BMP6: variants seen among roughly 807,000 people sequenced by gnomAD.
The protein encoded by BMP6 is VG-1-R.
In BMP6, 17 loss-of-function variants were observed where a neutral mutation model predicts 54.1. The observed-to-expected ratio is 0.31, with a 90% CI of 0.22 to 0.47. The LOEUF is 0.47. Ranked by LOEUF, BMP6 falls within the 20% of genes least tolerant of loss-of-function variation. BMP6 has a pLI of 1.00. For missense variants in BMP6, 720 were observed against 690.4 expected (o/e 1.04, Z -0.48); for synonymous variants, 328 against 291.2 (o/e 1.13, Z -1.28).
intron 1 of BMP6, among the ~76,000 whole-genome samples, chr6:7,768,336 G>A (rs1243956993): frequency 6.6e-6 from 1 of 152,190 alleles, no homozygotes; most frequent in Non-Finnish European, 1.5e-5. Flanking sequence ...TTCACTCTCA[G>A]TCTTGTCCAC....
intron 1 of BMP6, among the ~76,000 whole-genome samples, chr6:7,783,944 C>G (rs1037250629): frequency 2.6e-5 from 4 of 152,224 alleles, no homozygotes; most frequent in Admixed American, 1.3e-4. Context: ...AGGATGAGCC[C>G]TACAGAGTTT....
intron 1 of BMP6, among the ~76,000 whole-genome samples, chr6:7,734,042 T>G (rs1761916200): frequency 6.6e-6 from 1 of 152,218 alleles, no homozygotes; most frequent in Non-Finnish European, 1.5e-5. Flanking sequence ...TTGTGTTCAG[T>G]CACTAGTGTT....
At chr6:7,834,675 A>C (rs35964711) in intron 1 of BMP6, among the ~76,000 whole-genome samples, 10,839 of 151,792 alleles carry the variant, frequency 0.071, 671 homozygotes, top group African/African-American at 0.17. Context: ...GTGCCAACCC[A>C]AAAAAAATAA....
chr6:7,853,254 C>T (rs1182204419), intron 2 of BMP6, among the ~76,000 whole-genome samples: 1 of 152,076 alleles, frequency 6.6e-6, no homozygotes, highest in African/African-American at 2.4e-5. Context: ...TAGTTTGATA[C>T]ATCATGACCA....
intron 1 of BMP6, among the ~76,000 whole-genome samples, chr6:7,809,366 T>C (rs1388404956): frequency 2.0e-5 from 3 of 152,204 alleles, no homozygotes; most frequent in Non-Finnish European, 4.4e-5. Flanking sequence ...ATTTGTGTGA[T>C]TAGGGATGTG....
intron 1 of BMP6, among the ~76,000 whole-genome samples, chr6:7,750,734 T>C (rs1561759430): frequency 6.6e-6 from 1 of 152,240 alleles, no homozygotes; most frequent in Non-Finnish European, 1.5e-5. Flanking sequence ...ATTTGAAAGA[T>C]TTAAAATGGC....
chr6:7,727,597 G>A lies in BMP6; in HGVS notation c.642G>A (p.Met214Ile). The A allele has an allele frequency of 6.4e-7, 1 of 1,564,806 alleles. No homozygotes were observed. Among genetic ancestry groups the A allele is most frequent in the Non-Finnish European group, 8.6e-7 (1 of 1,164,484 alleles). ...GCGCCTTCCTCAACGACGCGGACAT[G>A]GTCATGAGCTTTGTGAACCTGGGTA... ...QDSAFLNDAD[M>I]VMSFVNLVEY... The change falls in exon 1 of 7, where the codon ATG becomes ATA. Residue 214 changes from methionine to isoleucine, a missense_variant. Transcript: ENST00000283147.
chr6:7,786,460 GTTTT>G (rs35750746), intron 1 of BMP6, among the ~76,000 whole-genome samples: 11,550 of 135,150 alleles, frequency 0.085, 488 homozygotes, highest in African/African-American at 0.13. Flanking sequence ...TCTTTAGTCT[GTTTT>G]TTTTTTTTTT....
intron 4 of BMP6, among the ~76,000 whole-genome samples, chr6:7,868,154 C>T (rs1241994428): frequency 1.3e-5 from 2 of 152,176 alleles, no homozygotes; most frequent in African/African-American, 4.8e-5. Context: ...AGAATCAAGA[C>T]AAAGGCTGAA....
At chr6:7,876,546 C>A (rs1233044881) in intron 4 of BMP6, among the ~76,000 whole-genome samples, 1 of 152,132 alleles carries the variant, frequency 6.6e-6, no homozygotes, top group African/African-American at 2.4e-5. Flanking sequence ...CCATTTGATT[C>A]TGTGCTATAT....
At chr6:7,752,556 T>C (rs1757441984) in intron 1 of BMP6, among the ~76,000 whole-genome samples, 1 of 147,062 alleles carries the variant, frequency 6.8e-6, no homozygotes, top group Non-Finnish European at 1.5e-5. Context: ...GAGTTCAACA[T>C]AGGTTTTTTT....
At chr6:7,786,469 T>G (rs943549095) in intron 1 of BMP6, among the ~76,000 whole-genome samples, 8 of 151,724 alleles carry the variant, frequency 5.3e-5, no homozygotes, top group African/African-American at 1.7e-4. Flanking sequence ...TGTTTTTTTT[T>G]TTTTTTTTTT....
intron 1 of BMP6, among the ~76,000 whole-genome samples, chr6:7,733,047 C>T (rs185573475): frequency 3.8e-4 from 57 of 151,364 alleles, no homozygotes; most frequent in East Asian, 1.8e-3. Context: ...TACAGGTCTC[C>T]GCCACCACAC....
intron 1 of BMP6, among the ~76,000 whole-genome samples, chr6:7,730,956 C>T (rs899798591): frequency 6.6e-6 from 1 of 152,218 alleles, no homozygotes; most frequent in Non-Finnish European, 1.5e-5. Flanking sequence ...GAATAATTTA[C>T]TCATGAAATA....
At position 7,763,082 on chromosome 6, in the gene BMP6, T is replaced by C. The variant is rs186338595; in HGVS notation, c.664+35463T>C. Among the ~76,000 whole-genome samples, 653 of 152,338 alleles carry C rather than the reference T, an allele frequency of 4.3e-3. 5 individuals carry two copies. The highest frequency in any genetic ancestry group is 0.015 in the African/African-American group (614 of 41,570). ...ACACTCTGCTTTGCAGATACTCTTA[T>C]GAATTCTGCAAGTCTTGGTAAATAG... is the stretch of plus-strand genomic sequence containing the variant. On this transcript the variant is annotated intron_variant, in intron 1 of 6. Transcript: ENST00000283147.
rs1761733875 is a variant in BMP6 at position 7,726,854 on chromosome 6, G to A, written c.-102G>A. ...AGGGGAAGCGAGCCCGCCGAGAGGT[G>A]GCGGGGACTGCTCACGCCAAGGGCC... On this transcript the variant is annotated 5_prime_UTR_variant, in exon 1 of 7. Transcript: ENST00000283147. 5 of 697,448 alleles carry A rather than the reference G, an allele frequency of 7.2e-6. No homozygotes were observed. Among genetic ancestry groups the A allele is most frequent in the Non-Finnish European group, 9.0e-6 (5 of 556,300 alleles). The allele number at this position is 697,448 out of a possible 1,614,324, so 43.2% of individuals were successfully genotyped here. A position where few individuals can be genotyped will look rare whatever the true frequency, so the allele number is the denominator to read the frequency against.
intron 1 of BMP6, among the ~76,000 whole-genome samples, chr6:7,790,514 CAAAAAAA>C (rs35572440): frequency 7.1e-4 from 52 of 73,496 alleles, no homozygotes; most frequent in Middle Eastern, 0.011. Flanking sequence ...GACCCTGTCT[CAAAAAAA>C]AAAAAAAAAA....
intron 4 of BMP6, among the ~76,000 whole-genome samples, chr6:7,864,497 C>A (rs1759387909): frequency 1.3e-5 from 2 of 152,190 alleles, no homozygotes; most frequent in Non-Finnish European, 2.9e-5. Flanking sequence ...TAAAATAATT[C>A]TGGAAGATGC....
Position 7,761,766 on chromosome 6 carries a change from A to G in BMP6, c.664+34147A>G, listed in dbSNP as rs987656251. Among the ~76,000 whole-genome samples, 3 of 152,160 alleles carry G rather than the reference A, an allele frequency of 2.0e-5. No homozygotes were observed. In the South Asian group the frequency reaches 6.2e-4, roughly 32 times the overall value. ...GTAGACTTAGAGACTCCCTTTCCTC[A>G]AAGTCTTTACGGCATTTTCTTTGTA... On this transcript the variant is annotated intron_variant, in intron 1 of 6. Transcript: ENST00000283147.
Sources: gnomAD v4.1 joint callset for allele counts (sites outside exome capture counted in the v4.1 genomes callset) on GRCh38, gnomAD v4.1.1 for gene constraint, MANE v1.5 for transcripts, NCBI Gene and HGNC (gene_info 2026-07-23, HGNC 2026-07-21) for gene names.